GALNT17: variants seen among roughly 807,000 people sequenced by gnomAD.
GALNT17 encodes the protein UDP-GalNAc:polypeptide N-acetylgalactosaminyltransferase-like 3.
Under a neutral mutation model 63.7 loss-of-function variants are expected in GALNT17, and 29 were observed. The ratio of observed to expected loss-of-function variants is 0.46; its 90% CI spans 0.34 to 0.62. The LOEUF is 0.62. Among genes scored for constraint, GALNT17 ranks in the 20% least tolerant of loss-of-function variants. GALNT17 has a pLI of 0.01. For missense variants in GALNT17, 603 were observed against 799.6 expected (o/e 0.75, Z 2.97); for synonymous variants, 305 against 318.3 (o/e 0.96, Z 0.45).
At chr7:71,525,249 C>T (rs1247988627) in intron 5 of GALNT17, among the ~76,000 whole-genome samples, 1 of 152,166 alleles carries the variant, frequency 6.6e-6, no homozygotes, top group Non-Finnish European at 1.5e-5. Context: ...GATCGCTGCT[C>T]ACTGCAACCT....
chr7:71,214,140 A>G (rs1218646735), intron 1 of GALNT17, among the ~76,000 whole-genome samples: 1 of 152,208 alleles, frequency 6.6e-6, no homozygotes, highest in Admixed American at 6.5e-5. Context: ...ATCTCTTGGA[A>G]TTGGCATTTA....
At chr7:71,417,493 A>G (rs936286052) in intron 4 of GALNT17, among the ~76,000 whole-genome samples, 30 of 152,242 alleles carry the variant, frequency 2.0e-4, no homozygotes, top group African/African-American at 7.2e-4. Context: ...AGTAATAATC[A>G]TTCCCAAAGT....
At chr7:71,170,070 G>A (rs952698036) in intron 1 of GALNT17, among the ~76,000 whole-genome samples, 2 of 151,938 alleles carry the variant, frequency 1.3e-5, no homozygotes, top group Non-Finnish European at 2.9e-5. Flanking sequence ...CACATAGCTG[G>A]GACTACAGAT....
intron 5 of GALNT17, among the ~76,000 whole-genome samples, chr7:71,562,894 C>T (rs1789278733): frequency 6.6e-6 from 1 of 152,092 alleles, no homozygotes; most frequent in African/African-American, 2.4e-5. Context: ...GAATAGTGAG[C>T]CACTGAAGGC....
intron 1 of GALNT17, among the ~76,000 whole-genome samples, chr7:71,274,722 G>A (rs190493971): frequency 6.6e-5 from 10 of 152,312 alleles, no homozygotes; most frequent in African/African-American, 2.4e-4. Flanking sequence ...ATGACCAGTA[G>A]TACCTACAAC....
chr7:71,322,814 C>T (rs1791640859), intron 1 of GALNT17, among the ~76,000 whole-genome samples: 1 of 152,136 alleles, frequency 6.6e-6, no homozygotes, highest in Non-Finnish European at 1.5e-5. Context: ...ATGAGGCCAT[C>T]TGCAAGCCAG....
At chr7:71,551,023 C>G (rs1252378859) in intron 5 of GALNT17, among the ~76,000 whole-genome samples, 1 of 151,990 alleles carries the variant, frequency 6.6e-6, no homozygotes, top group Non-Finnish European at 1.5e-5. Context: ...ATGGGACATT[C>G]TTATCTATTA....
chr7:71,533,751 A>G (rs1788756903), intron 5 of GALNT17, among the ~76,000 whole-genome samples: 1 of 152,188 alleles, frequency 6.6e-6, no homozygotes, highest in Non-Finnish European at 1.5e-5. Context: ...CACTGAAACA[A>G]TAAGTATTGC....
At chr7:71,263,409 T>C (rs1224969029) in intron 1 of GALNT17, among the ~76,000 whole-genome samples, 1 of 152,184 alleles carries the variant, frequency 6.6e-6, no homozygotes, top group Admixed American at 6.5e-5. Context: ...TTTGATCTTA[T>C]GCTTCCAGCC....
intron 6 of GALNT17, among the ~76,000 whole-genome samples, chr7:71,645,103 C>T (rs1281432725): frequency 6.6e-6 from 1 of 152,174 alleles, no homozygotes; most frequent in African/African-American, 2.4e-5. Flanking sequence ...ATCTTACAGC[C>T]ACATCTGTCT....
chr7:71,657,499 TGACAG>T (rs1790845485), intron 6 of GALNT17, among the ~76,000 whole-genome samples: 1 of 152,260 alleles, frequency 6.6e-6, no homozygotes, highest in East Asian at 1.9e-4. Flanking sequence ...GGCTCCTCAG[TGACAG>T]GTGCCCAGGG....
chr7:71,557,827 C>T (rs553505463), intron 5 of GALNT17, among the ~76,000 whole-genome samples: 2 of 151,572 alleles, frequency 1.3e-5, no homozygotes, highest in East Asian at 2.0e-4. Context: ...AATCCCAGCA[C>T]TTTGGGAGGC....
At chr7:71,640,449 A>C (rs187611547) in intron 6 of GALNT17, among the ~76,000 whole-genome samples, 1 of 152,266 alleles carries the variant, frequency 6.6e-6, no homozygotes, top group East Asian at 1.9e-4. Context: ...TATAAAATAC[A>C]TGTTGATGTT....
chr7:71,332,772 A>T (rs925057524), intron 1 of GALNT17, among the ~76,000 whole-genome samples: 1 of 151,986 alleles, frequency 6.6e-6, no homozygotes, highest in African/African-American at 2.4e-5. Flanking sequence ...GCTCACTGCA[A>T]CCTCTGCCTC....
intron 6 of GALNT17, among the ~76,000 whole-genome samples, chr7:71,637,454 G>A (rs534899412): frequency 1.1e-4 from 16 of 151,252 alleles, no homozygotes; most frequent in African/African-American, 3.4e-4. Context: ...CTCCCAAAGT[G>A]CTGGGATTAC....
chr7:71,421,791 A>T (rs1786669271), intron 5 of GALNT17, among the ~76,000 whole-genome samples: 1 of 152,138 alleles, frequency 6.6e-6, no homozygotes, highest in African/African-American at 2.4e-5. Flanking sequence ...CTCTACTAAA[A>T]TTTAAAAAAT....
At chr7:71,360,669 A>G (rs1430682578) in intron 2 of GALNT17, among the ~76,000 whole-genome samples, 4 of 152,192 alleles carry the variant, frequency 2.6e-5, no homozygotes, top group African/African-American at 9.7e-5. Flanking sequence ...GCAGTGGCTC[A>G]TGCCTGTAAT....
chr7:71,550,013 G>C (rs1473103595), intron 5 of GALNT17, among the ~76,000 whole-genome samples: 1 of 151,546 alleles, frequency 6.6e-6, no homozygotes, highest in African/African-American at 2.4e-5. Context: ...AGAATAATTA[G>C]AATGTACTAT....
chr7:71,693,880 C>A (rs1364144547), intron 9 of GALNT17, among the ~76,000 whole-genome samples: 1 of 151,618 alleles, frequency 6.6e-6, no homozygotes, highest in Admixed American at 6.6e-5. Context: ...TGGAGCAAGA[C>A]CCCAGTTATT....
Sources: allele counts gnomAD v4.1 joint callset (sites outside exome capture counted in the v4.1 genomes callset), GRCh38; gene constraint gnomAD v4.1.1; transcripts MANE v1.5; gene names NCBI Gene and HGNC (gene_info 2026-07-23, HGNC 2026-07-21).